The following CARMIL1 variants were observed in gnomAD, a reference collection of about 807,000 sequenced individuals.
CARMIL1 encodes the protein capping protein regulator and myosin 1 linker 1.
A neutral mutation model predicts 177.1 loss-of-function variants in CARMIL1; 90 were observed. That is an observed-to-expected ratio of 0.51 (90% CI 0.43 to 0.61). The LOEUF is 0.61. Among genes scored for constraint, CARMIL1 ranks in the 20% least tolerant of loss-of-function variants. The pLI is 0.00. For missense variants in CARMIL1, 1,380 were observed against 1,667.0 expected, an observed-to-expected ratio of 0.83 and a Z score of 3.00; for synonymous variants, 577 against 606.2, an observed-to-expected ratio of 0.95 and a Z score of 0.71.
chr6:25,584,910 A>G (rs1374885667), intron 31 of CARMIL1, among the ~76,000 whole-genome samples: 1 of 152,180 alleles, frequency 6.6e-6, no homozygotes, highest in African/African-American at 2.4e-5. Flanking sequence ...AATCTGTTCT[A>G]GAGAGATTTC....
At position 25,610,323 on chromosome 6, in the gene CARMIL1, G is replaced by A; in HGVS notation, c.3979+142G>A. On this transcript the variant is annotated intron_variant, in intron 36 of 36. Transcript: ENST00000329474. ...TTGCTTGGGTTAAATTTTTGGAAATGGAGTAGTTTCTTAGTTCAGAAACTT... is the reference window on the plus strand; with the variant it reads ...TTGCTTGGGTTAAATTTTTGGAAATAGAGTAGTTTCTTAGTTCAGAAACTT... The A allele has an allele frequency of 3.1e-6, 3 of 959,624 alleles. No homozygotes were observed. The South Asian group carries it at 8.4e-5, about 27-fold the overall frequency. The allele number at this position is 959,624 out of a possible 1,614,324, so 59.4% of individuals were successfully genotyped here. A position where few individuals can be genotyped will look rare whatever the true frequency, so the allele number is the denominator to read the frequency against.
chr6:25,473,687 T>C (rs1801272548), intron 11 of CARMIL1, among the ~76,000 whole-genome samples: 1 of 152,204 alleles, frequency 6.6e-6, no homozygotes, highest in African/African-American at 2.4e-5. Flanking sequence ...TTCAAACCCA[T>C]GTTGTTCAAG....
chr6:25,400,527 T>C (rs1181085154), intron 2 of CARMIL1, among the ~76,000 whole-genome samples: 1 of 152,172 alleles, frequency 6.6e-6, no homozygotes, highest in Non-Finnish European at 1.5e-5. Context: ...ATAGATTATA[T>C]CCATCCCCCC....
intron 8 of CARMIL1, 69 bp downstream of exon 8, chr6:25,450,780 CCTCCCTTCCTCCCTCCCTTCCT>C (rs1798739803): frequency 7.9e-5 from 2 of 25,312 alleles, no homozygotes; most frequent in Admixed American, 2.6e-4. Flanking sequence ...CCCTCCCCTC[CCTCCCTTCCTCCCTCCCTTCCT>C]CCCTCCCCTC....
At chr6:25,352,374 T>C (rs981492534) in intron 2 of CARMIL1, among the ~76,000 whole-genome samples, 1 of 152,090 alleles carries the variant, frequency 6.6e-6, no homozygotes, top group Non-Finnish European at 1.5e-5. Flanking sequence ...TTCCAGCTTT[T>C]ATTATGTGCT....
At chr6:25,284,956 T>C in intron 2 of CARMIL1, 47 bp downstream of exon 2, 1 of 1,151,676 alleles carries the variant, frequency 8.7e-7, no homozygotes, top group South Asian at 1.3e-5. Context: ...AATGAAAGTG[T>C]GTTTTCATTG....
At chr6:25,295,662 G>A (rs1210095431) in intron 2 of CARMIL1, among the ~76,000 whole-genome samples, 1 of 152,174 alleles carries the variant, frequency 6.6e-6, no homozygotes, top group African/African-American at 2.4e-5. Context: ...GTGCTCCTTG[G>A]ACCCTAGCTC....
chr6:25,460,080 A>G (rs921381011), intron 8 of CARMIL1, among the ~76,000 whole-genome samples: 31 of 152,224 alleles, frequency 2.0e-4, no homozygotes, highest in Admixed American at 9.8e-4. Flanking sequence ...CCTTATGTCA[A>G]TTAATTGCAT....
chr6:25,347,714 T>A (rs534654372), intron 2 of CARMIL1, among the ~76,000 whole-genome samples: 1 of 152,222 alleles, frequency 6.6e-6, no homozygotes, highest in Non-Finnish European at 1.5e-5. Context: ...CTTATTTAAC[T>A]GTAGTAAATG....
At chr6:25,526,210 G>T (rs1807109988) in intron 23 of CARMIL1, among the ~76,000 whole-genome samples, 1 of 151,690 alleles carries the variant, frequency 6.6e-6, no homozygotes, top group Non-Finnish European at 1.5e-5. Context: ...AGGCGTGGTG[G>T]TGGGCACCTG....
At chr6:25,613,319 A>G (rs1184551236) in intron 36 of CARMIL1, among the ~76,000 whole-genome samples, 1 of 152,210 alleles carries the variant, frequency 6.6e-6, no homozygotes, top group Non-Finnish European at 1.5e-5. Context: ...TCTTTCAGGA[A>G]AGGATCAATA....
intron 2 of CARMIL1, among the ~76,000 whole-genome samples, chr6:25,371,420 T>G (rs1790419899): frequency 1.3e-5 from 2 of 152,206 alleles, no homozygotes; most frequent in Admixed American, 1.3e-4. Flanking sequence ...TGCCAACATC[T>G]ATTGTATTTT....
chr6:25,600,376 A>C lies in CARMIL1; in HGVS notation c.3182A>C (p.Lys1061Thr), dbSNP rs936794606. The change falls in exon 33 of 37, where the codon AAG becomes ACG. Residue 1061 changes from lysine (K) to threonine (T), a missense_variant. Transcript: ENST00000329474. Reference sequence around the variant, plus strand: ...AATGAAGGAGGAGATGAAAAGAAAAAGCGAGATTCTCGGAAAAGTAGTGGC... The same window carrying C: ...AATGAAGGAGGAGATGAAAAGAAAACGCGAGATTCTCGGAAAAGTAGTGGC... ...ELNEGGDEKK[K>T]RDSRKSSGFL... is the part of the protein sequence containing the mutation. The C allele has an allele frequency of 1.2e-6, 2 of 1,614,018 alleles. No individual in the cohort carries two copies. The highest frequency in any genetic ancestry group is 1.7e-6 in the Non-Finnish European group (2 of 1,179,888).
chr6:25,549,792 T>C (rs6931843), intron 26 of CARMIL1, among the ~76,000 whole-genome samples: 23,347 of 152,220 alleles, frequency 0.15, 1,910 homozygotes, highest in Middle Eastern at 0.21. Context: ...ATCCAAGCCT[T>C]GCTTTCAAAA....
intron 2 of CARMIL1, among the ~76,000 whole-genome samples, chr6:25,293,473 T>A (rs542888453): frequency 6.6e-6 from 1 of 152,094 alleles, no homozygotes; most frequent in African/African-American, 2.4e-5. Flanking sequence ...GCAGCCTCGA[T>A]ATCCTGGGCT....
intron 2 of CARMIL1, among the ~76,000 whole-genome samples, chr6:25,302,397 A>T (rs1259965127): frequency 6.6e-6 from 1 of 152,228 alleles, no homozygotes. Flanking sequence ...AGGCCAGCTT[A>T]AAAGATTTGG....
intron 31 of CARMIL1, among the ~76,000 whole-genome samples, chr6:25,582,829 A>G (rs946210850): frequency 6.6e-5 from 10 of 152,162 alleles, no homozygotes; most frequent in Non-Finnish European, 1.3e-4. Context: ...GCCATAATAC[A>G]TTATTTTAGG....
chr6:25,306,327 G>A (rs992699510), intron 2 of CARMIL1, among the ~76,000 whole-genome samples: 7 of 152,100 alleles, frequency 4.6e-5, no homozygotes, highest in Non-Finnish European at 8.8e-5. Context: ...GAGCATTACC[G>A]CCTGAGTTCT....
chr6:25,450,951 C>CCTCTCCTCTCCTCTCCTCTT (rs1798816639), intron 8 of CARMIL1, among the ~76,000 whole-genome samples: 1 of 21,252 alleles, frequency 4.7e-5, no homozygotes, highest in Non-Finnish European at 9.5e-5. Flanking sequence ...CCTCTCCTCT[C>CCTCTCCTCTCCTCTCCTCTT]CTCTCCTCTC....
Sources: gnomAD v4.1 joint callset for allele counts (sites outside exome capture counted in the v4.1 genomes callset) on GRCh38, gnomAD v4.1.1 for gene constraint, MANE v1.5 for transcripts, NCBI Gene and HGNC (gene_info 2026-07-23, HGNC 2026-07-21) for gene names.